MEI1: variants seen among roughly 807,000 people sequenced by gnomAD.
MEI1 encodes the protein meiotic double-stranded break formation protein 1, also known as meiosis inhibitor protein 1.
Under a neutral mutation model 146.2 loss-of-function variants are expected in MEI1, and 103 were observed. The observed-to-expected ratio is 0.70, with a 90% CI of 0.60 to 0.83. The LOEUF (loss-of-function observed/expected upper bound fraction) is 0.83, where lower values mean the gene tolerates loss of function less well. MEI1 is among the 40% of genes least tolerant of loss of function. MEI1 has a pLI of 0.00. For synonymous variants in MEI1, 652 were observed against 628.2 expected (o/e 1.04, Z -0.57); for missense variants, 1,529 against 1,533.0 (o/e 1.00, Z 0.04).
intron 12 of MEI1, among the ~76,000 whole-genome samples, chr22:41,744,450 G>C (rs2073130716): frequency 6.7e-6 from 1 of 150,026 alleles, no homozygotes; most frequent in Non-Finnish European, 1.5e-5. Flanking sequence ...GGGATTACAA[G>C]CGTGAGCCAC....
rs774266241 is a variant in MEI1, at chr22:41,784,757, A to G, written c.3319A>G (p.Ile1107Val). ...LRMSQVRSLVIGLQNLLVQKD... is the reference protein window; with the variant it reads ...LRMSQVRSLVVGLQNLLVQKD... ...AATGTCGCAAGTCCGGTCCCTGGTC[A>G]TTGGGCTGCAGAACCTCCTGGTGCA... The change falls in exon 26 of 31, where the codon ATT (isoleucine) becomes GTT (valine). Residue 1107 changes from isoleucine to valine, a missense_variant. Around this residue, in one of 3 missense-constraint regions of MEI1, gnomAD observed 313 missense variants for 337.3 expected, o/e 0.93. Transcript: ENST00000401548. 4 of 1,610,888 alleles carry G rather than the reference A, an allele frequency of 2.5e-6. No individual in the cohort carries two copies. In the South Asian group the frequency reaches 4.4e-5, roughly 18 times the overall value.
intron 3 of MEI1, chr22:41,709,490 T>C: frequency 1.6e-6 from 1 of 635,404 alleles, no homozygotes. Flanking sequence ...TTGGGCATGG[T>C]GGCAGCAGCG....
Position 41,729,746 on chromosome 22 carries a change from C to A in MEI1, c.946C>A (p.His316Asn). The change falls in exon 8 of 31, where the codon CAT becomes AAT. Residue 316 changes from histidine to asparagine, a missense_variant. Coordinates refer to ENST00000401548, the MANE Select transcript of MEI1 (RefSeq NM_152513.4). ...GGTGCTTGTCCACTCCCCAGCAAAG[C>A]ATGCGTCAGCCTTCATCCACGCTGA... ...TAVLVHSPAKHASAFIHADIP... is the reference protein window; with the variant it reads ...TAVLVHSPAKNASAFIHADIP... 1 of 1,610,858 alleles carries A rather than the reference C, an allele frequency of 6.2e-7. No homozygotes were observed. Among genetic ancestry groups the A allele is most frequent in the South Asian group, 1.1e-5 (1 of 90,140 alleles).
chr22:41,763,603 A>C (rs930303591), intron 19 of MEI1, among the ~76,000 whole-genome samples: 8 of 151,922 alleles, frequency 5.3e-5, no homozygotes, highest in Non-Finnish European at 1.0e-4. Flanking sequence ...TAATCCCAGC[A>C]CTTTGGGAGG....
intron 27 of MEI1, 105 bp downstream of exon 27, chr22:41,794,015 CTTGTT>C: frequency 3.6e-6 from 4 of 1,105,698 alleles, no homozygotes; most frequent in Non-Finnish European, 5.3e-6. Flanking sequence ...GTGACTCATA[CTTGTT>C]TTGTTTAATT....
intron 17 of MEI1, among the ~76,000 whole-genome samples, chr22:41,758,037 C>T (rs2074209441): frequency 6.6e-6 from 1 of 151,840 alleles, no homozygotes; most frequent in Non-Finnish European, 1.5e-5. Context: ...GAACCCAGAA[C>T]GGGGAGGTTG....
At chr22:41,777,440 G>A (rs1391824735) in intron 21 of MEI1, among the ~76,000 whole-genome samples, 3 of 152,190 alleles carry the variant, frequency 2.0e-5, no homozygotes, top group Non-Finnish European at 4.4e-5. Context: ...ACAGGTGTGA[G>A]CTACCACACT....
At chr22:41,728,860 C>CAAA (rs112016114) in intron 7 of MEI1, among the ~76,000 whole-genome samples, 12 of 136,406 alleles carry the variant, frequency 8.8e-5, no homozygotes, top group African/African-American at 2.9e-4. Flanking sequence ...GACCCTGTGT[C>CAAA]AAAAAAAAAC....
At chr22:41,750,091 T>C (rs1382070631) in intron 15 of MEI1, among the ~76,000 whole-genome samples, 7 of 152,166 alleles carry the variant, frequency 4.6e-5, no homozygotes, top group Admixed American at 2.0e-4. Flanking sequence ...ATGCAAGATA[T>C]AGGCTAGGGC....
intron 24 of MEI1, 124 bp downstream of exon 24, chr22:41,781,969 C>T: frequency 1.9e-6 from 2 of 1,038,790 alleles, no homozygotes; most frequent in South Asian, 3.4e-5. Flanking sequence ...GGTATTTACC[C>T]TTTCTGAGCT....
chr22:41,716,274 C>A, intron 5 of MEI1, 128 bp downstream of exon 5: 1 of 627,262 alleles, frequency 1.6e-6, no homozygotes. Context: ...TCAGTTTCCC[C>A]GTCTGCAAAA....
chr22:41,705,927 C>G (rs921652252), intron 3 of MEI1, among the ~76,000 whole-genome samples: 2 of 151,908 alleles, frequency 1.3e-5, no homozygotes, highest in African/African-American at 4.8e-5. Flanking sequence ...AAGCTGGTCT[C>G]GAGCTCCTGA....
intron 18 of MEI1, among the ~76,000 whole-genome samples, chr22:41,761,040 G>A (rs183451626): frequency 2.0e-5 from 3 of 152,094 alleles, no homozygotes; most frequent in South Asian, 2.1e-4. Flanking sequence ...TCACGGGTGC[G>A]GTGGCTTACA....
intron 7 of MEI1, among the ~76,000 whole-genome samples, chr22:41,728,362 A>G (rs1339406233): frequency 3.3e-5 from 5 of 152,196 alleles, no homozygotes; most frequent in Non-Finnish European, 7.3e-5. Context: ...ACTGTGTTAA[A>G]TCTTTTCTGT....
chr22:41,738,332 T>C (rs1243893918), intron 11 of MEI1, among the ~76,000 whole-genome samples: 1 of 152,186 alleles, frequency 6.6e-6, no homozygotes, highest in African/African-American at 2.4e-5. Flanking sequence ...CTCATGCCTG[T>C]AATCCCAGCA....
intron 20 of MEI1, among the ~76,000 whole-genome samples, chr22:41,773,663 C>A (rs759927438): frequency 6.6e-6 from 1 of 151,550 alleles, no homozygotes; most frequent in Non-Finnish European, 1.5e-5. Flanking sequence ...GTCACAAGGT[C>A]AGGAGTTCGA....
chr22:41,764,249 C>T (rs1237967446), intron 19 of MEI1, among the ~76,000 whole-genome samples: 2 of 152,100 alleles, frequency 1.3e-5, no homozygotes, highest in Admixed American at 1.3e-4. Flanking sequence ...CGTGAGCCAC[C>T]GTGCCCGGCT....
At position 41,718,289 on chromosome 22, in the gene MEI1, T is replaced by C. The variant is rs751885334; in HGVS notation, c.733+15T>C. 1 of 1,610,102 alleles carries C rather than the reference T, an allele frequency of 6.2e-7. No individual in the cohort carries two copies. Among genetic ancestry groups the C allele is most frequent in the Non-Finnish European group, 8.5e-7 (1 of 1,178,228 alleles). ...TAACTGCTTGGGTAAGACATGAGGC[T>C]GGAGAAAAAAGGGAGAATAAGTTTT... is the stretch of plus-strand genomic sequence containing the variant. On this transcript the variant is annotated intron_variant, in intron 6 of 30. Coordinates refer to ENST00000401548, the MANE Select transcript of MEI1 (RefSeq NM_152513.4).
rs2071089484 is a variant in MEI1 at position 41,723,931 on chromosome 22, T to C, written c.734-12T>C. ...TCCTCTTGCCTTACTTCCCAATCCC[T>C]TTGTTTCCTAGGTTTGCTGAGGCAG... is the stretch of plus-strand genomic sequence containing the variant. On this transcript the variant is annotated splice_polypyrimidine_tract_variant and intron_variant, in intron 6 of 30. Coordinates refer to ENST00000401548, the MANE Select transcript of MEI1 (RefSeq NM_152513.4). 7.6e-6 allele frequency: 12 copies of C among 1,585,428 alleles called. No homozygotes were observed. Among genetic ancestry groups the C allele is most frequent in the Non-Finnish European group, 1.0e-5 (12 of 1,165,296 alleles).
Sources: gnomAD v4.1 joint callset for allele counts (sites outside exome capture counted in the v4.1 genomes callset) on GRCh38, gnomAD v4.1.1 for gene constraint, gnomAD v4.1.1 regional missense constraint, MANE v1.5 for transcripts, NCBI Gene and HGNC (gene_info 2026-07-23, HGNC 2026-07-21) for gene names.